The following ACOT1 variants were observed in gnomAD, a reference collection of about 807,000 sequenced individuals.
ACOT1 encodes the protein acyl-CoA thioesterase 1.
A neutral mutation model predicts 15.7 loss-of-function variants in ACOT1; 8 were observed. The ratio of observed to expected loss-of-function variants is 0.51; its 90% confidence interval spans 0.30 to 0.92. The LOEUF (loss-of-function observed/expected upper bound fraction) is 0.92. Among genes scored for constraint, ACOT1 ranks in the 40% least tolerant of loss-of-function variants. The probability of loss-of-function intolerance (pLI) is 0.06; values close to 1 mark genes in which losing one functional copy is unlikely to be tolerated. For missense variants in ACOT1, 151 were observed against 539.4 expected (o/e 0.28, Z 7.13); for synonymous variants, 67 against 241.2 (o/e 0.28, Z 6.69).
At chr14:73,535,462 CTTCTTTCTTTTTTTTTTTT>C (rs1343785038), upstream of ACOT1, among the ~76,000 whole-genome samples, 1 of 59,332 alleles carries the variant, frequency 1.7e-5, no homozygotes, top group African/African-American at 4.3e-5. Context: ...TTTTCTTTTT[CTTCTTTCTTTTTTTTTTTT>C]TTTTTTTTTT....
the ACOT1 span, chr14:73,522,624 G>T: frequency 2.5e-6 from 4 of 1,614,204 alleles, no homozygotes; most frequent in East Asian, 6.7e-5. Flanking sequence ...GAAGGTGGCC[G>T]ACCCAGCATA....
the ACOT1 span, among the ~76,000 whole-genome samples, chr14:73,502,156 A>G: frequency 1.3e-5 from 2 of 151,398 alleles, no homozygotes; most frequent in Admixed American, 1.3e-4. Flanking sequence ...AGAGTCTCAA[A>G]GTATTGGGAT....
chr14:73,501,569 C>CTT, the ACOT1 span, among the ~76,000 whole-genome samples: 1,086 of 108,002 alleles, frequency 0.01, 30 homozygotes, highest in African/African-American at 0.03. Context: ...GTCTCTCTCT[C>CTT]TTTTTTTTTT....
At chr14:73,511,857 G>A in the ACOT1 span, 3 of 799,830 alleles carry the variant, frequency 3.8e-6, no homozygotes, top group African/African-American at 5.1e-5. Context: ...CTCTATTGCT[G>A]ATAAGCATGT....
chr14:73,522,894 G>T, the ACOT1 span: 1 of 1,614,204 alleles, frequency 6.2e-7, no homozygotes, highest in Non-Finnish European at 8.5e-7. Flanking sequence ...TGGCTATAAG[G>T]AATGCTGGGC....
the ACOT1 span, chr14:73,500,652 G>A: frequency 1.2e-6 from 2 of 1,614,204 alleles, no homozygotes; most frequent in Non-Finnish European, 1.7e-6. Flanking sequence ...GGAGAAGCTT[G>A]GCGGTCATAA....
the ACOT1 span, chr14:73,508,251 C>T: frequency 6.2e-7 from 1 of 1,614,060 alleles, no homozygotes; most frequent in Non-Finnish European, 8.5e-7. Flanking sequence ...CAGTACCTTC[C>T]AGAGCCAAGC....
the ACOT1 span, among the ~76,000 whole-genome samples, chr14:73,510,621 A>C: frequency 6.6e-6 from 1 of 152,008 alleles, no homozygotes; most frequent in Non-Finnish European, 1.5e-5. Flanking sequence ...TTTTTGGTAG[A>C]GATGAGGTTT....
chr14:73,500,253 A>G, the ACOT1 span, among the ~76,000 whole-genome samples: 1 of 151,678 alleles, frequency 6.6e-6, no homozygotes, highest in Non-Finnish European at 1.5e-5. Flanking sequence ...AAACAAACAA[A>G]AAAACCATGA....
chr14:73,521,685 A>G, the ACOT1 span, among the ~76,000 whole-genome samples: 1 of 152,224 alleles, frequency 6.6e-6, no homozygotes, highest in African/African-American at 2.4e-5. Context: ...ACATGTAGTC[A>G]TCTTCTTCTC....
the ACOT1 span, chr14:73,493,279 G>T: frequency 1.6e-6 from 1 of 616,194 alleles, no homozygotes; most frequent in Admixed American, 3.3e-5. Flanking sequence ...ATTTTTTTTG[G>T]AATTTGGATC....
At chr14:73,522,278 T>C in the ACOT1 span, 17 of 1,613,608 alleles carry the variant, frequency 1.1e-5, no homozygotes, top group Non-Finnish European at 1.4e-5. Context: ...ATACCTGTAG[T>C]AAACGGGAAG....
the ACOT1 span, chr14:73,518,983 C>A: frequency 6.3e-7 from 1 of 1,577,478 alleles, no homozygotes; most frequent in South Asian, 1.2e-5. Context: ...GCCACATTCC[C>A]GTTATTAACC....
At chr14:73,491,370 C>A in the ACOT1 span, 2 of 1,364,572 alleles carry the variant, frequency 1.5e-6, no homozygotes, top group South Asian at 1.8e-5. Flanking sequence ...CTGCAGACCC[C>A]GTCGGCGCGC....
chr14:73,508,507 G>A, the ACOT1 span, among the ~76,000 whole-genome samples: 3 of 152,086 alleles, frequency 2.0e-5, no homozygotes, highest in African/African-American at 4.8e-5. Flanking sequence ...CTCACATTTT[G>A]GGAGGCCAAG....
chr14:73,509,362 T>G, the ACOT1 span: 1 of 1,614,130 alleles, frequency 6.2e-7, no homozygotes, highest in Non-Finnish European at 8.5e-7. Context: ...ATTATGTGAC[T>G]GTATGGCATA....
chr14:73,505,341 T>A, the ACOT1 span, among the ~76,000 whole-genome samples: 1 of 152,196 alleles, frequency 6.6e-6, no homozygotes. Context: ...GTCTTATTGT[T>A]CCTACCATAG....
chr14:73,517,665 C>CA, the ACOT1 span, among the ~76,000 whole-genome samples: 19,013 of 59,048 alleles, frequency 0.32, 1,991 homozygotes, highest in Non-Finnish European at 0.38. Context: ...GAGACCCTGT[C>CA]AAAAAAAAAA....
intron 1 of ACOT1, among the ~76,000 whole-genome samples, chr14:73,541,264 T>G (rs1889077995): frequency 9.0e-6 from 1 of 111,610 alleles, no homozygotes; most frequent in Admixed American, 1.0e-4. Flanking sequence ...CATTCACCAG[T>G]TAAAGGACAT....
Sources: allele counts gnomAD v4.1 joint callset (sites outside exome capture counted in the v4.1 genomes callset), GRCh38; gene constraint gnomAD v4.1.1; transcripts MANE v1.5; gene names NCBI Gene and HGNC (gene_info 2026-07-23, HGNC 2026-07-21).